The following GPAM variants were observed in gnomAD, a reference collection of about 807,000 sequenced individuals.
The protein encoded by GPAM is glycerol-3-phosphate acyltransferase, mitochondrial, also known as glycerol-3-phosphate acyltransferase 1, mitochondrial.
In GPAM, 56 loss-of-function variants were observed where a neutral mutation model predicts 105.0. The observed-to-expected ratio is 0.53, with a 90% CI of 0.43 to 0.67. The LOEUF (loss-of-function observed/expected upper bound fraction) is 0.67, where lower values mean the gene tolerates loss of function less well. GPAM is among the 30% of genes least tolerant of loss of function. GPAM has a pLI of 0.00. For missense variants in GPAM, 855 were observed against 989.8 expected (o/e 0.86, Z 1.83); for synonymous variants, 368 against 354.4 (o/e 1.04, Z -0.43).
intron 20 of GPAM, 119 bp downstream of exon 20, chr10:112,155,745 C>T (rs1847005335): frequency 1.5e-6 from 1 of 652,240 alleles, no homozygotes; most frequent in Non-Finnish European, 2.7e-6. Flanking sequence ...AATAGTAATA[C>T]TCTACGGTGT....
chr10:112,164,602 T>C lies in GPAM; in HGVS notation c.1230A>G (p.Leu410=), dbSNP rs202051172. The C allele has an allele frequency of 2.4e-5, 38 of 1,584,240 alleles. No homozygotes were observed. The highest frequency in any genetic ancestry group is 3.2e-5 in the Non-Finnish European group (37 of 1,153,220). The change falls in exon 13 of 22, where the codon TTA becomes TTG. Residue 410 remains leucine (L), a synonymous_variant. Coordinates refer to ENST00000348367, the MANE Select transcript of GPAM (RefSeq NM_001244949.2). Reference sequence around the variant, plus strand: ...ACACCGGTTTCTGACTTTGGCTTTCTAAATATTCCTGGAGAAAAAAACACA... The same window carrying C: ...ACACCGGTTTCTGACTTTGGCTTTCCAAATATTCCTGGAGAAAAAAACACA... ...FAQPFSLKEY[L]ESQSQKPVSA... is the part of the protein sequence containing the mutation.
intron 1 of GPAM, chr10:112,214,247 T>C (rs1426090187): frequency 6.6e-6 from 1 of 152,140 alleles, no homozygotes; most frequent in East Asian, 1.9e-4. Context: ...AGAGAGGAAA[T>C]GCGGTTGGCA....
At chr10:112,169,026 A>T in intron 9 of GPAM, 74 bp from the exon 10 acceptor site, 2 of 1,017,540 alleles carry the variant, frequency 2.0e-6, no homozygotes, top group South Asian at 2.6e-5. Context: ...AGTTAATTGA[A>T]AACATTTGCC....
chr10:112,172,746 T>C (rs1268202102), intron 8 of GPAM, among the ~76,000 whole-genome samples: 2 of 152,194 alleles, frequency 1.3e-5, no homozygotes, highest in Non-Finnish European at 2.9e-5. Flanking sequence ...TTCAGGGTTG[T>C]TGCAAGGTAA....
At chr10:112,203,110 G>A (rs748186871) in intron 1 of GPAM, among the ~76,000 whole-genome samples, 1 of 152,132 alleles carries the variant, frequency 6.6e-6, no homozygotes, top group African/African-American at 2.4e-5. Flanking sequence ...GTGGTAGGGG[G>A]AGCAGAGGGG....
At chr10:112,181,844 A>G in intron 2 of GPAM, 31 bp from the exon 3 acceptor site, 1 of 956,602 alleles carries the variant, frequency 1.0e-6, no homozygotes, top group African/African-American at 1.6e-5. Context: ...TTAAATTAAC[A>G]AGGAATCGAG....
chr10:112,172,785 G>T, intron 8 of GPAM, among the ~76,000 whole-genome samples, 185 bp downstream of exon 8: 1 of 152,148 alleles, frequency 6.6e-6, no homozygotes, highest in Non-Finnish European at 1.5e-5. Context: ...CATATTGCTA[G>T]TAAGTACTCC....
chr10:112,190,499 T>TAAAAA (rs11446981), intron 1 of GPAM, among the ~76,000 whole-genome samples: 1 of 135,926 alleles, frequency 7.4e-6, no homozygotes, highest in African/African-American at 2.7e-5. Flanking sequence ...GACTCCATCT[T>TAAAAA]AAAAAAAAAA....
rs1014461348 is a variant in GPAM at position 112,149,934 on chromosome 10, T to C, written c.*3616A>G. On this transcript the variant is annotated 3_prime_UTR_variant, in exon 22 of 22. Coordinates refer to ENST00000348367, the MANE Select transcript of GPAM (RefSeq NM_001244949.2). ...GTTTCTTGCAATACACTAACAAGCA[T>C]AAAAATCAATCAGCATTTCCAAGTA... 1.3e-5 allele frequency: 13 copies of C among 985,632 alleles called. No homozygotes were observed. The African/African-American group carries it at 1.6e-4, about 12-fold the overall frequency. 61.1% of individuals were successfully genotyped at this position (985,632 alleles called of 1,614,324 possible).
intron 19 of GPAM, 73 bp downstream of exon 19, chr10:112,157,176 T>C: frequency 7.6e-7 from 1 of 1,307,414 alleles, no homozygotes; most frequent in Non-Finnish European, 1.1e-6. Context: ...TCACCAGGAC[T>C]CCAGCTGATC....
At chr10:112,178,321 G>C (rs527941962) in intron 4 of GPAM, among the ~76,000 whole-genome samples, 2 of 152,036 alleles carry the variant, frequency 1.3e-5, no homozygotes, top group African/African-American at 4.8e-5. Context: ...AGGCCGAAGC[G>C]GGCAGATCAC....
chr10:112,184,381 T>G (rs1847565660), upstream of GPAM, among the ~76,000 whole-genome samples: 1 of 152,232 alleles, frequency 6.6e-6, no homozygotes. Context: ...TCAAAAGTTC[T>G]CACCATGAAA....
At position 112,164,571 on chromosome 10, in the gene GPAM, G is replaced by A; in HGVS notation, c.1261C>T (p.Leu421=). ...ESQSQKPVSA[L]LSLEQALLPA... is the part of the protein sequence containing the mutation. Reference sequence around the variant, plus strand: ...AACAACGCTTGCTCCAGGGAAAGTAGAGCAGACACCGGTTTCTGACTTTGG... The same window carrying A: ...AACAACGCTTGCTCCAGGGAAAGTAAAGCAGACACCGGTTTCTGACTTTGG... The change falls in exon 13 of 22, where the codon CTA becomes TTA. Residue 421 remains leucine, a synonymous_variant. Transcript: ENST00000348367. 1 of 1,607,762 alleles carries A rather than the reference G, an allele frequency of 6.2e-7. No homozygotes were observed.
chr10:112,212,500 T>C (rs1002266337), intron 1 of GPAM, among the ~76,000 whole-genome samples: 6 of 152,162 alleles, frequency 3.9e-5, no homozygotes, highest in African/African-American at 1.4e-4. Context: ...CCTGACCTCA[T>C]GATCCGCCCG....
upstream of GPAM, among the ~76,000 whole-genome samples, chr10:112,218,955 G>A (rs933689608): frequency 3.9e-5 from 6 of 152,162 alleles, no homozygotes; most frequent in Non-Finnish European, 7.4e-5. Flanking sequence ...CGTCTTTACT[G>A]CATCCTGTTG....
chr10:112,209,427 G>A lies in GPAM; in HGVS notation n.210+5741C>T, dbSNP rs572907645. 1.7e-4 allele frequency among the ~76,000 whole-genome samples: 26 copies of A among 152,150 alleles called. No individual in the cohort carries two copies. In the South Asian group the frequency reaches 4.8e-3, roughly 28 times the overall value. On this transcript the variant is annotated intron_variant and non_coding_transcript_variant, in intron 1 of 3. Transcript: ENST00000480130. ...CCCAGCGGGCTCAGCCTGAGCATCA[G>A]CCCACAGGATAATTAAAATGTGCTC...
rs201091744 is a variant in GPAM, at chr10:112,180,531, A to G, written c.167T>C (p.Met56Thr). The G allele has an allele frequency of 1.2e-6, 2 of 1,613,242 alleles. No homozygotes were observed. The highest frequency in any genetic ancestry group is 2.2e-5 in the East Asian group (1 of 44,872). ...TCCAACAAATGGCCTTTTCCGACTC[A>G]TTAGGCTTTCTTTCCATTTTAAAGT... The part of the protein sequence containing the change: ...SATLKWKESL[M>T]SRKRPFVGRC... Residue 56 changes from methionine to threonine, a missense_variant, in exon 4 of 22, where the codon ATG becomes ACG. By Grantham distance (81) the Met-to-Thr change is moderately conservative. Coordinates refer to ENST00000348367, the MANE Select transcript of GPAM (RefSeq NM_001244949.2).
At chr10:112,181,180 T>C (rs1307832711) in intron 3 of GPAM, among the ~76,000 whole-genome samples, 1 of 150,238 alleles carries the variant, frequency 6.7e-6, no homozygotes, top group Non-Finnish European at 1.5e-5. Context: ...ATTCTCAAAA[T>C]TAAGCAAAAA....
At chr10:112,167,560 A>G (rs1257435588) in intron 11 of GPAM, among the ~76,000 whole-genome samples, 1 of 152,250 alleles carries the variant, frequency 6.6e-6, no homozygotes, top group Non-Finnish European at 1.5e-5. Context: ...TACATGCAAC[A>G]ATGTGGATGA....
Sources: allele counts gnomAD v4.1 joint callset (sites outside exome capture counted in the v4.1 genomes callset), GRCh38; gene constraint gnomAD v4.1.1; transcripts MANE v1.5; gene names NCBI Gene and HGNC (gene_info 2026-07-23, HGNC 2026-07-21).